Variants in MMD observed in about 807,000 individuals in gnomAD.
MMD encodes monocyte to macrophage differentiation associated, also known as monocyte to macrophage differentiation factor.
Under a neutral mutation model 33.6 loss-of-function variants are expected in MMD, and 22 were observed. The observed-to-expected ratio is 0.66, with a 90% CI of 0.47 to 0.94. MMD has a LOEUF of 0.94. MMD is among the 40% of genes least tolerant of loss of function. MMD has a pLI of 0.00. For synonymous variants in MMD, 97 were observed against 103.2 expected (o/e 0.94, Z 0.36); for missense variants, 242 against 309.8 (o/e 0.78, Z 1.64).
intron 1 of MMD, 130 bp from the exon 2 acceptor site, chr17:55,414,362 T>G (rs773173249): frequency 4.9e-6 from 4 of 810,826 alleles, no homozygotes; most frequent in Non-Finnish European, 8.2e-6. Context: ...GTTGCGGTAA[T>G]AAAGCCAAAG....
At chr17:55,395,413 C>G (rs2143113175) in intron 6 of MMD, among the ~76,000 whole-genome samples, 1 of 152,326 alleles carries the variant, frequency 6.6e-6, no homozygotes, top group Middle Eastern at 3.4e-3. Flanking sequence ...CAGATCACGG[C>G]AGGGCCTTGG....
At position 55,419,693 on chromosome 17, in the gene MMD, T is replaced by C. The variant is rs967488003; in HGVS notation, c.26+1977A>G. The stretch of plus-strand genomic sequence containing the variant: ...TTGTTTATAGGCTTTATTTCCAAGT[T>C]AAAATTGATGCTTAGAACTATGTTT... On this transcript the variant is annotated intron_variant, in intron 1 of 6. Transcript: ENST00000262065. 2.6e-5 allele frequency among the ~76,000 whole-genome samples: 4 copies of C among 152,242 alleles called. 1 individual carries two copies. Among genetic ancestry groups the C allele is most frequent in the Non-Finnish European group, 5.9e-5 (4 of 68,044 alleles).
chr17:55,410,440 T>A (rs1035554703), intron 3 of MMD, among the ~76,000 whole-genome samples: 8 of 152,174 alleles, frequency 5.3e-5, no homozygotes, highest in African/African-American at 1.9e-4. Flanking sequence ...GTTTTGCCCT[T>A]TAGGGTTGTG....
chr17:55,409,931 T>G (rs1907699613), intron 3 of MMD, among the ~76,000 whole-genome samples: 1 of 152,238 alleles, frequency 6.6e-6, no homozygotes, highest in Non-Finnish European at 1.5e-5. Flanking sequence ...CAGGCACTTT[T>G]GTGGTTCTCT....
intron 3 of MMD, 80 bp from the exon 4 acceptor site, chr17:55,407,900 A>G (rs903512112): frequency 1.0e-5 from 10 of 976,124 alleles, no homozygotes; most frequent in Non-Finnish European, 1.5e-5. Context: ...CTATGTTGCA[A>G]TTTCCATTCT....
At chr17:55,421,103 G>A (rs964958302) in intron 1 of MMD, among the ~76,000 whole-genome samples, 1 of 152,260 alleles carries the variant, frequency 6.6e-6, no homozygotes, top group Non-Finnish European at 1.5e-5. Flanking sequence ...TACACGGCCA[G>A]GCAGGGCTAA....
intron 3 of MMD, among the ~76,000 whole-genome samples, chr17:55,409,088 A>C (rs1907664127): frequency 6.6e-6 from 1 of 152,242 alleles, no homozygotes; most frequent in East Asian, 1.9e-4. Context: ...TAAAGGAATG[A>C]AAAATACATT....
At chr17:55,406,790 G>T (rs1433784249) in intron 4 of MMD, among the ~76,000 whole-genome samples, 1 of 152,098 alleles carries the variant, frequency 6.6e-6, no homozygotes, top group African/African-American at 2.4e-5. Flanking sequence ...GGAGAAAGAG[G>T]TGGGAGAATC....
chr17:55,412,669 A>G (rs1907807907), intron 2 of MMD, among the ~76,000 whole-genome samples: 2 of 152,210 alleles, frequency 1.3e-5, no homozygotes. Flanking sequence ...TGAGACTGGC[A>G]TGAGTTTTTC....
intron 1 of MMD, among the ~76,000 whole-genome samples, chr17:55,416,923 T>G (rs148731341): frequency 6.6e-6 from 1 of 152,222 alleles, no homozygotes; most frequent in African/African-American, 2.4e-5. Context: ...GTTTTTTTAC[T>G]CATTCCTTCA....
chr17:55,394,552 A>C lies in MMD; in HGVS notation c.517-18T>G. 2 of 1,429,310 alleles carry C rather than the reference A, an allele frequency of 1.4e-6. No individual in the cohort carries two copies. The highest frequency in any genetic ancestry group is 1.8e-6 in the Non-Finnish European group (2 of 1,089,580). The allele number at this position is 1,429,310 out of a possible 1,614,324, so 88.5% of individuals were successfully genotyped here. ...GTGTTGTTCTGTCAACAGAGAAAAAAAAATAAAAAGGGTTTGATGTTACTC... is the reference window on the plus strand; with the variant it reads ...GTGTTGTTCTGTCAACAGAGAAAAACAAATAAAAAGGGTTTGATGTTACTC... On this transcript the variant is annotated intron_variant, in intron 6 of 6. Transcript: ENST00000262065.
At position 55,419,474 on chromosome 17, in the gene MMD, C is replaced by CT. The variant is rs547107939; in HGVS notation, c.26+2195dup. On this transcript the variant is annotated intron_variant, in intron 1 of 6. Coordinates refer to ENST00000262065, the MANE Select transcript of MMD (RefSeq NM_012329.3). ...GCTCCTCCATCCAGTCCCAATAAAT[C>CT]TATCAGGAGGGAGGAAGCATGTCTC... Among the ~76,000 whole-genome samples, 102 of 152,340 alleles carry CT rather than the reference C, an allele frequency of 6.7e-4. 1 individual carries two copies. In the South Asian group the frequency reaches 0.02, roughly 30 times the overall value.
intron 6 of MMD, among the ~76,000 whole-genome samples, chr17:55,395,950 A>G (rs1475103895): frequency 6.6e-6 from 1 of 152,176 alleles, no homozygotes; most frequent in Non-Finnish European, 1.5e-5. Flanking sequence ...CATCTAACAC[A>G]ACCCCCTTAT....
intron 1 of MMD, among the ~76,000 whole-genome samples, chr17:55,418,520 A>C (rs1027438590): frequency 2.6e-5 from 4 of 152,228 alleles, no homozygotes; most frequent in Non-Finnish European, 5.9e-5. Flanking sequence ...CACACACACA[A>C]AAACACTTAA....
At chr17:55,401,966 A>G (rs1907348439) in intron 5 of MMD, among the ~76,000 whole-genome samples, 1 of 149,818 alleles carries the variant, frequency 6.7e-6, no homozygotes, top group Non-Finnish European at 1.5e-5. Context: ...CTACTCGGGG[A>G]GATGAGGCAG....
chr17:55,406,867 C>A (rs896929598), intron 4 of MMD, among the ~76,000 whole-genome samples: 1 of 151,640 alleles, frequency 6.6e-6, no homozygotes, highest in Non-Finnish European at 1.5e-5. Context: ...CCGTCTCCCC[C>A]CAAAAATACA....
chr17:55,410,109 A>T (rs1907706069), intron 3 of MMD, among the ~76,000 whole-genome samples: 1 of 152,216 alleles, frequency 6.6e-6, no homozygotes, highest in Admixed American at 6.5e-5. Context: ...TGGAATAATC[A>T]GATTTTGCCA....
intron 3 of MMD, among the ~76,000 whole-genome samples, chr17:55,410,747 T>C (rs1907727896): frequency 1.3e-5 from 2 of 152,236 alleles, no homozygotes; most frequent in Admixed American, 6.5e-5. Flanking sequence ...TATTTTCAAG[T>C]ACCTTATCTC....
chr17:55,421,394 A>G (rs1908180938), intron 1 of MMD, among the ~76,000 whole-genome samples: 1 of 152,028 alleles, frequency 6.6e-6, no homozygotes, highest in Admixed American at 6.5e-5. Context: ...GATCCCCGGG[A>G]AGGAGGACAG....
Sources: gnomAD v4.1 joint callset for allele counts (sites outside exome capture counted in the v4.1 genomes callset) on GRCh38, gnomAD v4.1.1 for gene constraint, MANE v1.5 for transcripts, NCBI Gene and HGNC (gene_info 2026-07-23, HGNC 2026-07-21) for gene names.